Variants in ALAS1 observed in about 807,000 individuals in gnomAD.
The protein encoded by ALAS1 is 5-aminolevulinate synthase, non-specific, mitochondrial.
Under a neutral mutation model 59.6 loss-of-function variants are expected in ALAS1, and 29 were observed. The ratio of observed to expected loss-of-function variants is 0.49; its 90% CI spans 0.36 to 0.66. The LOEUF is 0.66. Ranked by LOEUF, ALAS1 falls within the 30% of genes least tolerant of loss-of-function variation. ALAS1 has a pLI of 0.00. For synonymous variants in ALAS1, 299 were observed against 296.6 expected (o/e 1.01, Z -0.08); for missense variants, 690 against 807.5 (o/e 0.85, Z 1.76).
chr3:52,203,986 ATCT>A lies in ALAS1; in HGVS notation c.557_559del (p.Leu186del). 1 of 1,609,306 alleles carries A rather than the reference ATCT, an allele frequency of 6.2e-7. No individual in the cohort carries two copies. The highest frequency in any genetic ancestry group is 8.5e-7 in the Non-Finnish European group (1 of 1,177,830). The stretch of plus-strand genomic sequence containing the variant: ...AAGCAAAGACCAGAAAGAGTGTCTC[ATCT>A]TCTTCAAGATAACTTGCCAAAATGT... On this transcript the variant is annotated inframe_deletion, in exon 5 of 12. Transcript: ENST00000484952.
rs1699211539 is a variant in ALAS1, at chr3:52,202,641, G to A, written c.334G>A (p.Ala112Thr). 1 of 1,614,206 alleles carries A rather than the reference G, an allele frequency of 6.2e-7. No homozygotes were observed. The highest frequency in any genetic ancestry group is 8.5e-7 in the Non-Finnish European group (1 of 1,180,038). ...QGTASKCPFL[A>T]AQMNQRGSSV... is the part of the protein sequence containing the mutation. Reference sequence around the variant, plus strand: ...CACTGCAAGCAAATGCCCTTTCCTGGCAGCACAGATGAATCAGAGAGGCAG... The same window carrying A: ...CACTGCAAGCAAATGCCCTTTCCTGACAGCACAGATGAATCAGAGAGGCAG... Residue 112 changes from alanine (A) to threonine (T), a missense_variant, in exon 4 of 12, where the codon GCA becomes ACA. By Grantham distance (58) the Ala-to-Thr change is moderately conservative (BLOSUM62 0). Coordinates refer to ENST00000484952, the MANE Select transcript of ALAS1 (RefSeq NM_000688.6).
chr3:52,200,619 C>T (rs991126986), intron 3 of ALAS1, among the ~76,000 whole-genome samples: 1 of 152,130 alleles, frequency 6.6e-6, no homozygotes, highest in African/African-American at 2.4e-5. Context: ...GCCTGTAATC[C>T]CAGCTATTTG....
chr3:52,198,451 C>G (rs1258259947), intron 1 of ALAS1, among the ~76,000 whole-genome samples, 196 bp downstream of exon 1: 1 of 152,368 alleles, frequency 6.6e-6, no homozygotes, highest in East Asian at 1.9e-4. Context: ...CCCCTTCCGG[C>G]TATTCCCGGT....
In ALAS1 at chr3:52,198,223, C is replaced by G. The variant is rs1699110029; in HGVS notation, c.-242C>G. ...GACTTCTCGACTTGAGTGCCCGCCT[C>G]CTTCGCCGCCGCCTCTGCAGTCCTC... On this transcript the variant is annotated 5_prime_UTR_variant, in exon 1 of 12. Coordinates refer to ENST00000484952, the MANE Select transcript of ALAS1 (RefSeq NM_000688.6). 1 of 398,892 alleles carries G rather than the reference C, an allele frequency of 2.5e-6. No homozygotes were observed. The highest frequency in any genetic ancestry group is 2.1e-5 in the African/African-American group (1 of 48,632). The allele number at this position is 398,892 out of a possible 1,614,324, so 24.7% of individuals were successfully genotyped here.
At chr3:52,208,384 C>T in intron 9 of ALAS1, 137 bp downstream of exon 9, 1 of 942,372 alleles carries the variant, frequency 1.1e-6, no homozygotes, top group Non-Finnish European at 1.6e-6. Flanking sequence ...TTTGGCCCAG[C>T]TTAGTGGAAT....
chr3:52,208,878 T>G (rs1487121528), intron 9 of ALAS1, among the ~76,000 whole-genome samples: 1 of 152,224 alleles, frequency 6.6e-6, no homozygotes, highest in African/African-American at 2.4e-5. Flanking sequence ...ATGCAAACAG[T>G]TATTATAAAC....
At position 52,211,412 on chromosome 3, in the gene ALAS1, A is replaced by G; in HGVS notation, c.1460A>G (p.Glu487Gly). ...LPPMLLAGALESVRILKSAEG... is the reference protein window; with the variant it reads ...LPPMLLAGALGSVRILKSAEG... ...CCCATGCTGCTGGCTGGAGCCCTGG[A>G]GTCTGTGCGGATCCTGAAGAGCGCT... The change falls in exon 10 of 12, where the codon GAG becomes GGG. Residue 487 changes from glutamate to glycine, a missense_variant. Physicochemically the swap from Glu to Gly is moderately conservative, Grantham distance 98. Coordinates refer to ENST00000484952, the MANE Select transcript of ALAS1 (RefSeq NM_000688.6). 1 of 1,614,136 alleles carries G rather than the reference A, an allele frequency of 6.2e-7. No homozygotes were observed. Among genetic ancestry groups the G allele is most frequent in the Non-Finnish European group, 8.5e-7 (1 of 1,180,020 alleles).
intron 8 of ALAS1, among the ~76,000 whole-genome samples, chr3:52,207,224 C>T (rs1050879128): frequency 7.2e-5 from 11 of 151,924 alleles, no homozygotes; most frequent in South Asian, 2.1e-4. Flanking sequence ...AGGATGGTCT[C>T]GATCTACTGA....
upstream of ALAS1, chr3:52,198,114 A>G (rs530727954): frequency 2.5e-6 from 1 of 398,046 alleles, no homozygotes; most frequent in African/African-American, 2.1e-5. Flanking sequence ...GCGCATGCGC[A>G]GCGGTCACTC....
At chr3:52,198,900 C>T (rs1699127412) in intron 2 of ALAS1, 52 bp downstream of exon 2, 1 of 1,519,872 alleles carries the variant, frequency 6.6e-7, no homozygotes, top group Non-Finnish European at 8.8e-7. Context: ...AAACCTCTGG[C>T]CTCCCAAACC....
At position 52,205,915 on chromosome 3, in the gene ALAS1, T is replaced by A; in HGVS notation, c.877T>A (p.Leu293Ile). ...ISGTSKFHVDLERELADLHGK... is the reference protein window; with the variant it reads ...ISGTSKFHVDIERELADLHGK... ...TGGAACTAGTAAATTCCATGTGGAC[T>A]TAGAGCGGGAGCTGGCAGACCTCCA... The change falls in exon 7 of 12, where the codon TTA becomes ATA. Residue 293 changes from leucine to isoleucine, a missense_variant. Leu to Ile is a conservative substitution (Grantham distance 5). Transcript: ENST00000484952. 6.2e-7 allele frequency: 1 copy of A among 1,614,230 alleles called. No individual in the cohort carries two copies. The highest frequency in any genetic ancestry group is 8.5e-7 in the Non-Finnish European group (1 of 1,180,026).
chr3:52,204,052 T>C (rs1331206961), intron 5 of ALAS1, 40 bp downstream of exon 5: 4 of 1,570,482 alleles, frequency 2.5e-6, no homozygotes, highest in Non-Finnish European at 3.5e-6. Context: ...GAAAAGAATT[T>C]ATAATTCAAA....
chr3:52,212,488 A>C, intron 11 of ALAS1, 68 bp downstream of exon 11: 1 of 1,584,848 alleles, frequency 6.3e-7, no homozygotes. Context: ...CAGTGTTTAT[A>C]ATTGAAGCCC....
intron 8 of ALAS1, among the ~76,000 whole-genome samples, chr3:52,207,415 C>T (rs1329441207): frequency 2.0e-5 from 3 of 151,508 alleles, no homozygotes; most frequent in African/African-American, 4.9e-5. Flanking sequence ...GGATTACAGG[C>T]GTGAGCCACC....
At position 52,205,877 on chromosome 3, in the gene ALAS1, C is replaced by T; in HGVS notation, c.839C>T (p.Thr280Ile). The T allele has an allele frequency of 5.0e-6, 8 of 1,614,058 alleles. No homozygotes were observed. The highest frequency in any genetic ancestry group is 6.8e-6 in the Non-Finnish European group (8 of 1,179,980). ...LKQHGAGAGG[T>I]RNISGTSKFH... ...CAACATGGTGCTGGGGCAGGTGGTA[C>T]TAGAAATATTTCTGGAACTAGTAAA... The change falls in exon 7 of 12, where the codon ACT (threonine) becomes ATT (isoleucine). Residue 280 changes from threonine to isoleucine, a missense_variant. By Grantham distance (89) the Thr-to-Ile change is moderately conservative. Coordinates refer to ENST00000484952, the MANE Select transcript of ALAS1 (RefSeq NM_000688.6).
At chr3:52,205,350 A>G (rs937771041) in intron 6 of ALAS1, among the ~76,000 whole-genome samples, 1 of 152,176 alleles carries the variant, frequency 6.6e-6, no homozygotes, top group Admixed American at 6.5e-5. Flanking sequence ...TCACCATCCT[A>G]GGGATGCTGG....
At chr3:52,212,202 T>C in intron 10 of ALAS1, 56 bp from the exon 11 acceptor site, 1 of 1,531,006 alleles carries the variant, frequency 6.5e-7, no homozygotes, top group South Asian at 1.2e-5. Flanking sequence ...TTAGGATCTC[T>C]GCTAAGAGGT....
Position 52,203,912 on chromosome 3 carries a change from T to C in ALAS1, c.477T>C (p.Asp159=), listed in dbSNP as rs199507022. 430 of 1,613,228 alleles carry C rather than the reference T, an allele frequency of 2.7e-4. No individual in the cohort carries two copies. The East Asian group carries it at 7.4e-3, about 28-fold the overall frequency. Residue 159 remains aspartate (D), a synonymous_variant, in exon 5 of 12, where the codon GAT becomes GAC. Coordinates refer to ENST00000484952, the MANE Select transcript of ALAS1 (RefSeq NM_000688.6). ...CCAGTGTGGTTAGTGTGAAAACCGA[T>C]GGAGGGGATCCCAGTGGACTGCTGA... The part of the protein sequence containing the change: ...AGPSVVSVKT[D]GGDPSGLLKN...
chr3:52,208,023 C>T, intron 8 of ALAS1, 60 bp from the exon 9 acceptor site: 1 of 1,464,496 alleles, frequency 6.8e-7, no homozygotes, highest in Non-Finnish European at 9.0e-7. Context: ...TGACTCTAAC[C>T]AAAACAGAAA....
Sources: allele counts gnomAD v4.1 joint callset (sites outside exome capture counted in the v4.1 genomes callset), GRCh38; gene constraint gnomAD v4.1.1; transcripts MANE v1.5; gene names NCBI Gene and HGNC (gene_info 2026-07-23, HGNC 2026-07-21).